ADGRB1: variants seen among roughly 807,000 people sequenced by gnomAD.
ADGRB1 encodes the protein adhesion G protein-coupled receptor B1, also known as brain-specific angiogenesis inhibitor 1.
Under a neutral mutation model 175.7 loss-of-function variants are expected in ADGRB1, and 36 were observed. The ratio of observed to expected loss-of-function variants is 0.20; its 90% confidence interval spans 0.16 to 0.27. The LOEUF is 0.27. Ranked by LOEUF, ADGRB1 falls within the 10% of genes least tolerant of loss-of-function variation. The pLI is 1.00. For missense variants in ADGRB1, 1,731 were observed against 2,255.3 expected (o/e 0.77, Z 4.71); for synonymous variants, 1,054 against 979.4 (o/e 1.08, Z -1.42).
intron 18 of ADGRB1, among the ~76,000 whole-genome samples, chr8:142,514,701 A>G (rs1843317959): frequency 6.6e-6 from 1 of 152,090 alleles, no homozygotes; most frequent in Non-Finnish European, 1.5e-5. Context: ...ACGTGACCAG[A>G]ATCAGGGCCC....
rs760596012 is a variant in ADGRB1, at chr8:142,481,327, T to C, written c.1902T>C (p.Cys634=). The change falls in exon 10 of 31, where the codon TGT becomes TGC. Residue 634 remains cysteine, a synonymous_variant. Transcript: ENST00000517894. ...AYWEPPTYIR[C]VSIDYRNIQM... ...GGGAGCCCCCCACCTACATCCGCTG[T>C]GTTTCCATTGACTACAGAAACATCC... The C allele has an allele frequency of 1.5e-5, 24 of 1,613,740 alleles. No individual in the cohort carries two copies. Among genetic ancestry groups the C allele is most frequent in the Admixed American group, 6.7e-5 (4 of 60,016 alleles).
Position 142,504,581 on chromosome 8 carries a change from A to T in ADGRB1, c.2676-6351A>T, listed in dbSNP as rs1473063612. On this transcript the variant is annotated intron_variant, in intron 17 of 30. Transcript: ENST00000517894. The surrounding 1 kb of genome is among the most constrained non-coding windows in gnomAD (Gnocchi z 5.6). ...GGTCAGGAGCAATGCCCAGGAGCTC[A>T]TGGAAGGGCAGGGGGGAAGTCTGGT... Among the ~76,000 whole-genome samples the T allele has an allele frequency of 2.6e-5, 4 of 151,864 alleles. No homozygotes were observed. The highest frequency in any genetic ancestry group is 5.9e-5 in the Non-Finnish European group (4 of 67,916).
At chr8:142,486,429 A>G (rs780001198) in intron 13 of ADGRB1, among the ~76,000 whole-genome samples, 1 of 152,232 alleles carries the variant, frequency 6.6e-6, no homozygotes, top group Non-Finnish European at 1.5e-5. Flanking sequence ...TTGATGACCC[A>G]GTGTTTTCAC....
chr8:142,481,844 C>T (rs1414991504), intron 11 of ADGRB1, 133 bp downstream of exon 11: 2 of 781,766 alleles, frequency 2.6e-6, no homozygotes, highest in African/African-American at 3.5e-5. Context: ...TGAACTCTGA[C>T]CTTTGTCACA....
intron 24 of ADGRB1, among the ~76,000 whole-genome samples, chr8:142,532,919 C>T (rs902667374): frequency 6.6e-6 from 1 of 152,132 alleles, no homozygotes; most frequent in Non-Finnish European, 1.5e-5. Context: ...CCCCCTTGCC[C>T]AGCTTCTCAG....
At chr8:142,459,632 G>A (rs888862771) in intron 1 of ADGRB1, among the ~76,000 whole-genome samples, 3 of 152,192 alleles carry the variant, frequency 2.0e-5, no homozygotes, top group Admixed American at 6.5e-5. Flanking sequence ...CAAATGTGCC[G>A]CATGTGTGTG....
At chr8:142,489,671 C>T (rs573369818) in intron 16 of ADGRB1, among the ~76,000 whole-genome samples, 16 of 152,298 alleles carry the variant, frequency 1.1e-4, no homozygotes, top group African/African-American at 3.4e-4. Context: ...TGACTCCCCA[C>T]CTGGGCTCCA....
rs564894203 is a variant in ADGRB1 at position 142,465,227 on chromosome 8, A to G, written c.784+245A>G. Among the ~76,000 whole-genome samples, 260 of 152,254 alleles carry G rather than the reference A, an allele frequency of 1.7e-3. 2 individuals are homozygous for G. Among genetic ancestry groups the G allele is most frequent in the African/African-American group, 5.7e-3 (238 of 41,554 alleles). On this transcript the variant is annotated intron_variant, in intron 2 of 30. Coordinates refer to ENST00000517894, the MANE Select transcript of ADGRB1 (RefSeq NM_001702.3). ...GCCTGCTCCATCCACCCGTGCACAG[A>G]GTAAGAGTGAAGGTCACTGCAGGTG... is the stretch of plus-strand genomic sequence containing the variant.
intron 8 of ADGRB1, 57 bp downstream of exon 8, chr8:142,479,544 G>T (rs1434261760): frequency 1.3e-6 from 2 of 1,511,834 alleles, no homozygotes; most frequent in Non-Finnish European, 8.8e-7. Flanking sequence ...GATTGGGCGG[G>T]CTTGGGCTCA....
At chr8:142,502,589 C>CGGTTG (rs1842675266) in intron 17 of ADGRB1, among the ~76,000 whole-genome samples, 3 of 143,894 alleles carry the variant, frequency 2.1e-5, no homozygotes, top group Admixed American at 6.8e-5. Context: ...TCAGTCATCA[C>CGGTTG]TGTGGTTTTG....
At chr8:142,477,356 G>A in intron 5 of ADGRB1, 29 bp from the exon 6 acceptor site, 1 of 1,596,490 alleles carries the variant, frequency 6.3e-7, no homozygotes, top group Non-Finnish European at 8.5e-7. Context: ...TGGCCGCAGT[G>A]GGCAGCAGCA....
intron 17 of ADGRB1, among the ~76,000 whole-genome samples, chr8:142,506,458 G>T (rs1000032621): frequency 6.6e-6 from 1 of 152,236 alleles, no homozygotes; most frequent in South Asian, 2.1e-4. Context: ...GTGGGGAGCA[G>T]GTGTAACTGA....
Position 142,542,133 on chromosome 8 carries a change from C to T in ADGRB1, c.3899C>T (p.Pro1300Leu). 1 of 1,613,532 alleles carries T rather than the reference C, an allele frequency of 6.2e-7. No individual in the cohort carries two copies. The highest frequency in any genetic ancestry group is 2.2e-5 in the East Asian group (1 of 44,856). The change falls in exon 28 of 31, where the codon CCC (proline) becomes CTC (leucine). Residue 1300 changes from proline (P) to leucine (L), a missense_variant. Pro to Leu is a moderately conservative substitution (Grantham distance 98). Around this residue, in one of 8 missense-constraint regions of ADGRB1, gnomAD observed 394 missense variants for 410.2 expected, o/e 0.96. Coordinates refer to ENST00000517894, the MANE Select transcript of ADGRB1 (RefSeq NM_001702.3). This position sits in a 1 kb window ranked among gnomAD's most constrained non-coding sequence, Gnocchi z 6.3. ...CCCCGCTATCCCGGCGGGCCCCTGC[C>T]CGACTTCCCCAACCACTCACTGACC... ...GSPRYPGGPLPDFPNHSLTLK... is the reference protein window; with the variant it reads ...GSPRYPGGPLLDFPNHSLTLK...
At chr8:142,477,026 A>G in intron 4 of ADGRB1, 88 bp from the exon 5 acceptor site, 1 of 1,410,680 alleles carries the variant, frequency 7.1e-7, no homozygotes, top group Non-Finnish European at 9.3e-7. Flanking sequence ...GCTCCCCAGC[A>G]GGGCAGCCCT....
At chr8:142,516,170 G>A (rs916566415) in intron 18 of ADGRB1, among the ~76,000 whole-genome samples, 4 of 151,382 alleles carry the variant, frequency 2.6e-5, no homozygotes, top group African/African-American at 9.7e-5. Context: ...GTGTGTGGGA[G>A]CCCCAGGTGC....
At chr8:142,536,438 G>A (rs184438949) in intron 25 of ADGRB1, among the ~76,000 whole-genome samples, 193 of 152,244 alleles carry the variant, frequency 1.3e-3, no homozygotes, top group Middle Eastern at 6.8e-3. Flanking sequence ...GTCTGCTGCC[G>A]TCCTCACCAC....
chr8:142,480,866 C>T (rs1246659712), intron 9 of ADGRB1, among the ~76,000 whole-genome samples: 3 of 152,116 alleles, frequency 2.0e-5, no homozygotes, highest in African/African-American at 7.2e-5. Context: ...CAGGCTGAGG[C>T]CCCTGTAGCC....
At chr8:142,503,068 G>T (rs1016313686) in intron 17 of ADGRB1, among the ~76,000 whole-genome samples, 1 of 151,858 alleles carries the variant, frequency 6.6e-6, no homozygotes, top group Non-Finnish European at 1.5e-5. Context: ...TGGCCTCAGT[G>T]GTAGCTATGA....
intron 13 of ADGRB1, among the ~76,000 whole-genome samples, chr8:142,485,283 G>C (rs574180272): frequency 5.8e-4 from 89 of 152,314 alleles, no homozygotes; most frequent in Middle Eastern, 6.8e-3. Context: ...GTAAAAGGTG[G>C]CTGTCATTAC....
Sources: allele counts gnomAD v4.1 joint callset (sites outside exome capture counted in the v4.1 genomes callset), GRCh38; gene constraint gnomAD v4.1.1; regional missense constraint gnomAD v4.1.1; non-coding constraint Gnocchi (gnomAD v3.1); transcripts MANE v1.5; gene names NCBI Gene and HGNC (gene_info 2026-07-23, HGNC 2026-07-21).